SPIDR: variants seen among roughly 807,000 people sequenced by gnomAD.
SPIDR encodes the protein DNA repair-scaffolding protein.
Under a neutral mutation model 104.6 loss-of-function variants are expected in SPIDR, and 93 were observed. The observed-to-expected ratio is 0.89, with a 90% CI of 0.75 to 1.06. SPIDR has a LOEUF of 1.06. Among genes scored for constraint, SPIDR ranks in the 50% least tolerant of loss-of-function variants. The pLI is 0.00. For missense variants in SPIDR, 1,154 were observed against 1,111.2 expected, an observed-to-expected ratio of 1.04 and a Z score of -0.55; for synonymous variants, 431 against 416.9, an observed-to-expected ratio of 1.03 and a Z score of -0.41.
At chr8:47,452,617 C>G (rs886225188) in intron 8 of SPIDR, among the ~76,000 whole-genome samples, 3 of 152,138 alleles carry the variant, frequency 2.0e-5, no homozygotes, top group African/African-American at 4.8e-5. Flanking sequence ...AAAACCACAT[C>G]ATTATCTCAA....
At chr8:47,383,006 T>C (rs991390300) in intron 5 of SPIDR, among the ~76,000 whole-genome samples, 5 of 152,206 alleles carry the variant, frequency 3.3e-5, no homozygotes, top group Non-Finnish European at 7.3e-5. Flanking sequence ...ACTCCTAGTA[T>C]ACAGCCTGTG....
chr8:47,675,066 C>T (rs897570302), intron 11 of SPIDR, among the ~76,000 whole-genome samples: 3 of 151,988 alleles, frequency 2.0e-5, no homozygotes, highest in African/African-American at 7.2e-5. Flanking sequence ...GACAGAGTTT[C>T]GCTCTTGTTA....
intron 8 of SPIDR, among the ~76,000 whole-genome samples, chr8:47,480,646 G>A (rs1428287726): frequency 6.6e-6 from 1 of 152,202 alleles, no homozygotes; most frequent in Non-Finnish European, 1.5e-5. Flanking sequence ...TGCTCTCAGG[G>A]ATCGGCGCAC....
chr8:47,590,756 C>CACA, intron 8 of SPIDR, among the ~76,000 whole-genome samples: 1 of 152,162 alleles, frequency 6.6e-6, no homozygotes, highest in Non-Finnish European at 1.5e-5. Context: ...TTGATGTCTG[C>CACA]AATTCTAATT....
chr8:47,540,656 A>G (rs1017392826), intron 8 of SPIDR, among the ~76,000 whole-genome samples: 3 of 152,116 alleles, frequency 2.0e-5, no homozygotes, highest in Non-Finnish European at 4.4e-5. Context: ...TGCCAGTACT[A>G]CTTACCACCC....
chr8:47,586,978 A>G (rs991727303), intron 8 of SPIDR, among the ~76,000 whole-genome samples: 1 of 152,080 alleles, frequency 6.6e-6, no homozygotes, highest in Admixed American at 6.5e-5. Flanking sequence ...CCATGTTGGC[A>G]AGGCTGGTCT....
chr8:47,437,414 G>A (rs1319145354), intron 7 of SPIDR, among the ~76,000 whole-genome samples: 1 of 151,998 alleles, frequency 6.6e-6, no homozygotes, highest in Non-Finnish European at 1.5e-5. Flanking sequence ...CCCTACAAAG[G>A]ACATGAACTC....
chr8:47,334,734 T>C (rs2049376714), intron 5 of SPIDR, among the ~76,000 whole-genome samples: 2 of 152,190 alleles, frequency 1.3e-5, no homozygotes, highest in African/African-American at 4.8e-5. Flanking sequence ...TTTTAATTGG[T>C]GTGTTGACTT....
At chr8:47,517,661 G>T (rs2083370000) in intron 8 of SPIDR, among the ~76,000 whole-genome samples, 1 of 152,130 alleles carries the variant, frequency 6.6e-6, no homozygotes, top group South Asian at 2.1e-4. Context: ...GCTATCAATA[G>T]TATGTAGGCA....
chr8:47,693,490 G>A (rs533010398), intron 11 of SPIDR, among the ~76,000 whole-genome samples: 1 of 152,306 alleles, frequency 6.6e-6, no homozygotes, highest in Admixed American at 6.5e-5. Flanking sequence ...GTACTGGCCG[G>A]TGGGATTGAA....
At chr8:47,477,146 A>C (rs1238909175) in intron 8 of SPIDR, among the ~76,000 whole-genome samples, 2 of 152,208 alleles carry the variant, frequency 1.3e-5, no homozygotes, top group African/African-American at 4.8e-5. Context: ...GGGCCTATGA[A>C]ACACTTAATG....
intron 6 of SPIDR, 30 bp from the exon 7 acceptor site, chr8:47,407,831 A>G (rs782621512): frequency 7.1e-7 from 1 of 1,404,858 alleles, no homozygotes; most frequent in South Asian, 1.2e-5. Context: ...CCTTTTAACT[A>G]AACTTAATAC....
Position 47,622,289 on chromosome 8 carries a change from T to A in SPIDR, c.1544+23093T>A, listed in dbSNP as rs1187901608. Among the ~76,000 whole-genome samples, 4 of 152,208 alleles carry A rather than the reference T, an allele frequency of 2.6e-5. No homozygotes were observed. The South Asian group carries it at 8.3e-4, about 32-fold the overall frequency. ...TTTGAAGTTTTCAACCTTGATAACT[T>A]GGAAAATAATAGGCCTGGGGAGAGG... On this transcript the variant is annotated intron_variant, in intron 10 of 19. Transcript: ENST00000297423.
chr8:47,307,022 C>T (rs2043201481), intron 5 of SPIDR, among the ~76,000 whole-genome samples: 1 of 152,112 alleles, frequency 6.6e-6, no homozygotes, highest in South Asian at 2.1e-4. Context: ...GAATCCTCCT[C>T]CATTCTGTCA....
intron 8 of SPIDR, among the ~76,000 whole-genome samples, chr8:47,456,233 T>C (rs2154351042): frequency 6.6e-6 from 1 of 152,246 alleles, no homozygotes; most frequent in Non-Finnish European, 1.5e-5. Flanking sequence ...TAATTTAATA[T>C]GACTGGTGTG....
chr8:47,434,150 A>G (rs1205944515), intron 7 of SPIDR, among the ~76,000 whole-genome samples: 1 of 152,242 alleles, frequency 6.6e-6, no homozygotes, highest in Non-Finnish European at 1.5e-5. Context: ...GAGTGCAGCA[A>G]GATGAATTAT....
In SPIDR at chr8:47,713,186, C is replaced by T. The variant is rs1168195827; in HGVS notation, c.2189-303C>T. On this transcript the variant is annotated intron_variant, in intron 15 of 19. Coordinates refer to ENST00000297423, the MANE Select transcript of SPIDR (RefSeq NM_001080394.4). ...ATGCGTATACTTAGATCAGCCAGCC[C>T]CTTTTTCCAGGGATCAAACTAAAAT... 3 of 665,328 alleles carry T rather than the reference C, an allele frequency of 4.5e-6. No individual in the cohort carries two copies. In the African/African-American group the frequency reaches 5.4e-5, roughly 12 times the overall value. 41.2% of individuals were successfully genotyped at this position (665,328 alleles called of 1,614,324 possible).
intron 17 of SPIDR, 30 bp from the exon 18 acceptor site, chr8:47,728,903 C>T: frequency 6.3e-7 from 1 of 1,587,870 alleles, no homozygotes; most frequent in Non-Finnish European, 8.6e-7. Flanking sequence ...CTCCCGGGGC[C>T]TTGTCTTTCC....
At chr8:47,428,136 C>G (rs2066745297) in intron 7 of SPIDR, among the ~76,000 whole-genome samples, 1 of 152,174 alleles carries the variant, frequency 6.6e-6, no homozygotes, top group Non-Finnish European at 1.5e-5. Context: ...ATTGGCCAGG[C>G]TGGTCTCGAA....
Sources: allele counts gnomAD v4.1 joint callset (sites outside exome capture counted in the v4.1 genomes callset), GRCh38; gene constraint gnomAD v4.1.1; transcripts MANE v1.5; gene names NCBI Gene and HGNC (gene_info 2026-07-23, HGNC 2026-07-21).